Variants in TMPRSS9 observed in about 807,000 individuals in gnomAD.
TMPRSS9 encodes transmembrane protease serine 9.
TMPRSS9 carries 113 observed loss-of-function variants against 111.4 expected under a neutral mutation model. The ratio of observed to expected loss-of-function variants is 1.01; its 90% CI spans 0.87 to 1.19. TMPRSS9 has a LOEUF of 1.19. Ranked by LOEUF, TMPRSS9 falls within the 50% of genes most tolerant of loss-of-function variation. TMPRSS9 has a pLI of 0.00. For synonymous variants in TMPRSS9, 805 were observed against 659.1 expected, an observed-to-expected ratio of 1.22 and a Z score of -3.39; for missense variants, 1,803 against 1,513.1, an observed-to-expected ratio of 1.19 and a Z score of -3.18.
At chr19:2,366,091 C>T (rs776661737) in intron 1 of TMPRSS9, among the ~76,000 whole-genome samples, 2 of 152,030 alleles carry the variant, frequency 1.3e-5, no homozygotes, top group Non-Finnish European at 2.9e-5. Flanking sequence ...AAAGGGAACC[C>T]CCTGAATTTC....
At chr19:2,385,320 C>A (rs72989467), upstream of TMPRSS9, among the ~76,000 whole-genome samples, 1 of 151,902 alleles carries the variant, frequency 6.6e-6, no homozygotes, top group Non-Finnish European at 1.5e-5. Context: ...CCTCAGGGGC[C>A]GACAGCTGCC....
At chr19:2,367,586 G>A (rs1276509691) in intron 1 of TMPRSS9, among the ~76,000 whole-genome samples, 18 of 146,850 alleles carry the variant, frequency 1.2e-4, no homozygotes, top group South Asian at 2.2e-4. Flanking sequence ...TTTTTTGAGA[G>A]GGAGTCTTGC....
At position 2,414,001 on chromosome 19, in the gene TMPRSS9, C is replaced by T. The variant is rs1480708352; in HGVS notation, c.1556C>T (p.Thr519Ile). Residue 519 changes from threonine (T) to isoleucine (I), a missense_variant, in exon 10 of 18, where the codon ACC becomes ATC. Transcript: ENST00000648592. Reference sequence around the variant, plus strand: ...AGTACCGTGCCTCTTGACTGGGTCACCGTTCCTAAGCTACAAGGTATTTTC... The same window carrying T: ...AGTACCGTGCCTCTTGACTGGGTCATCGTTCCTAAGCTACAAGGTATTTTC... 4 of 1,596,242 alleles carry T rather than the reference C, an allele frequency of 2.5e-6. No individual in the cohort carries two copies. The Admixed American group carries it at 5.2e-5, about 21-fold the overall frequency.
chr19:2,425,599 G>T, intron 17 of TMPRSS9, 106 bp downstream of exon 18: 1 of 1,381,624 alleles, frequency 7.2e-7, no homozygotes, highest in Non-Finnish European at 9.3e-7. Context: ...TCCGGTGCAG[G>T]CTTCTCCAGC....
chr19:2,425,082 C>T, exon 16 of TMPRSS9: 2 of 1,577,474 alleles, frequency 1.3e-6, no homozygotes, highest in Non-Finnish European at 8.6e-7. Context: ...GAGCGCGTGG[C>T]GCGCATCTAC....
exon 3 of TMPRSS9, chr19:2,398,833 C>T (rs1161081283): frequency 6.7e-7 from 1 of 1,502,536 alleles, no homozygotes; most frequent in Non-Finnish European, 8.9e-7. Context: ...TAGAGGCAAG[C>T]TGCGTGGGTT....
At chr19:2,410,947 C>T (rs879441068) in intron 9 of TMPRSS9, among the ~76,000 whole-genome samples, 5 of 152,006 alleles carry the variant, frequency 3.3e-5, no homozygotes, top group Admixed American at 6.6e-5. Context: ...ATGGGAACCC[C>T]GTGGACTTTT....
chr19:2,421,660 C>G (rs571285041), intron 13 of TMPRSS9, among the ~76,000 whole-genome samples, 194 bp from the exon 15 acceptor site: 1 of 152,246 alleles, frequency 6.6e-6, no homozygotes, highest in Non-Finnish European at 1.5e-5. Flanking sequence ...GATGGAAACT[C>G]AGAGAGGAGA....
At chr19:2,389,879 G>T in exon 1 of TMPRSS9, 12 of 1,613,820 alleles carry the variant, frequency 7.4e-6, no homozygotes, top group Non-Finnish European at 1.0e-5. Context: ...GGCCAGCATT[G>T]GCGTGGTGGC....
chr19:2,386,460 G>A (rs1004973152), upstream of TMPRSS9, among the ~76,000 whole-genome samples: 2 of 150,204 alleles, frequency 1.3e-5, no homozygotes, highest in African/African-American at 2.4e-5. Context: ...AGCCGAGATC[G>A]CGCCACTGGA....
chr19:2,379,794 C>G (rs1194862848), intron 1 of TMPRSS9, among the ~76,000 whole-genome samples: 1 of 149,084 alleles, frequency 6.7e-6, no homozygotes, highest in Non-Finnish European at 1.5e-5. Flanking sequence ...TTTCTTTTCT[C>G]TTGCCCATCT....
intron 15 of TMPRSS9, 37 bp downstream of exon 16, chr19:2,424,294 C>T: frequency 7.6e-7 from 1 of 1,319,142 alleles, no homozygotes. Context: ...CTACATGTCT[C>T]TGTAGCTCAC....
At chr19:2,425,421 C>T (rs200670416) in exon 17 of TMPRSS9, 387 of 1,586,078 alleles carry the variant, frequency 2.4e-4, no homozygotes, top group Non-Finnish European at 3.0e-4. Flanking sequence ...CCTGCCGCCG[C>T]TTCTACCCAG....
chr19:2,416,444 G>GTGGCGTCCTGGGGCCCAGGCAGCCCTGTT (rs1393725377), intron 11 of TMPRSS9, 94 bp from the exon 13 acceptor site: 204 of 1,483,878 alleles, frequency 1.4e-4, no homozygotes, highest in Non-Finnish European at 1.6e-4. Flanking sequence ...GCAGCCCTGT[G>GTGGCGTCCTGGGGCCCAGGCAGCCCTGTT]TGGCTTCCTG....
At chr19:2,372,923 G>A (rs1978143) in intron 1 of TMPRSS9, among the ~76,000 whole-genome samples, 2 of 151,892 alleles carry the variant, frequency 1.3e-5, no homozygotes, top group Admixed American at 6.6e-5. Flanking sequence ...CCTTGACCTC[G>A]TGGGGACAAG....
At position 2,401,914 on chromosome 19, in the gene TMPRSS9, A is replaced by T. The variant is rs931471092; in HGVS notation, c.515-61A>T. ...TGAGCCACCGCGCCCGGCCAATAGGATGTGTTCAAAGGGTTTTACCGCTTA... is the reference window on the plus strand; with the variant it reads ...TGAGCCACCGCGCCCGGCCAATAGGTTGTGTTCAAAGGGTTTTACCGCTTA... On this transcript the variant is annotated intron_variant, in intron 4 of 17. Coordinates refer to ENST00000648592, the Ensembl canonical transcript of TMPRSS9. 4.7e-6 allele frequency: 7 copies of T among 1,494,872 alleles called. No homozygotes were observed. In the African/African-American group the frequency reaches 8.6e-5, roughly 18 times the overall value. 92.6% of individuals were successfully genotyped at this position (1,494,872 alleles called of 1,614,324 possible). A position where few individuals can be genotyped will look rare whatever the true frequency, so the allele number is the denominator to read the frequency against.
At chr19:2,403,308 T>G (rs1206563091) in intron 6 of TMPRSS9, 113 bp downstream of exon 7, 2 of 868,486 alleles carry the variant, frequency 2.3e-6, no homozygotes, top group African/African-American at 3.3e-5. Context: ...GGCCTGGCAT[T>G]TATGGGGGCT....
rs1970950944 is a variant in TMPRSS9 at position 2,405,548 on chromosome 19, A to G, written c.842+3A>G. 1.3e-6 allele frequency: 2 copies of G among 1,553,032 alleles called. No individual in the cohort carries two copies. Among genetic ancestry groups the G allele is most frequent in the Non-Finnish European group, 1.7e-6 (2 of 1,151,878 alleles). The stretch of plus-strand genomic sequence containing the variant: ...TCTGCTGCTCACTGCTTCAATGAGT[A>G]AGCCCCCATCCCAAAGCACCAAACC... On this transcript the variant is annotated splice_donor_region_variant and intron_variant, in intron 7 of 17. Coordinates refer to ENST00000648592, the Ensembl canonical transcript of TMPRSS9.
intron 1 of TMPRSS9, among the ~76,000 whole-genome samples, chr19:2,360,994 C>G (rs150726962): frequency 1.3e-5 from 2 of 149,734 alleles, no homozygotes; most frequent in South Asian, 2.1e-4. Flanking sequence ...CTGGGACCGC[C>G]GAAGCCCTCC....
Sources: gnomAD v4.1 joint callset for allele counts (sites outside exome capture counted in the v4.1 genomes callset) on GRCh38, gnomAD v4.1.1 for gene constraint, MANE v1.5 for transcripts, NCBI Gene and HGNC (gene_info 2026-07-23, HGNC 2026-07-21) for gene names.